Variants in STXBP4 observed in about 807,000 individuals in gnomAD.
The protein encoded by STXBP4 is syntaxin-binding protein 4.
In STXBP4, 55 loss-of-function variants were observed where a neutral mutation model predicts 76.1. The ratio of observed to expected loss-of-function variants is 0.72; its 90% confidence interval spans 0.58 to 0.91. STXBP4 has a LOEUF of 0.91. Ranked by LOEUF, STXBP4 falls within the 40% of genes least tolerant of loss-of-function variation. The pLI is 0.00. For synonymous variants in STXBP4, 201 were observed against 220.2 expected (o/e 0.91, Z 0.77); for missense variants, 618 against 636.9 (o/e 0.97, Z 0.32).
intron 1 of STXBP4, among the ~76,000 whole-genome samples, chr17:54,974,484 A>T (rs961523044): frequency 3.9e-5 from 6 of 152,364 alleles, no homozygotes; most frequent in South Asian, 4.1e-4. Context: ...TGATTGACAG[A>T]TAATGTGAAA....
intron 8 of STXBP4, among the ~76,000 whole-genome samples, chr17:55,026,844 G>C (rs1357058212): frequency 6.6e-6 from 1 of 152,128 alleles, no homozygotes; most frequent in Non-Finnish European, 1.5e-5. Flanking sequence ...CGAGAACCAG[G>C]GGGCAAATGG....
Position 55,164,415 on chromosome 17 carries a change from A to G in STXBP4, c.*4504A>G, listed in dbSNP as rs922513556. On this transcript the variant is annotated 3_prime_UTR_variant, in exon 18 of 18. Coordinates refer to ENST00000376352, the MANE Select transcript of STXBP4 (RefSeq NM_178509.6). ...TTCCCCCATCACCCAATTATTCTCT[A>G]TATCACTCTACCCTGTTTATTTCTT... is the stretch of plus-strand genomic sequence containing the variant. 2.4e-5 allele frequency: 3 copies of G among 124,220 alleles called. No individual in the cohort carries two copies. The highest frequency in any genetic ancestry group is 7.9e-5 in the Admixed American group (1 of 12,642). The allele number at this position is 124,220 out of a possible 1,614,324, so 7.7% of individuals were successfully genotyped here. A position where few individuals can be genotyped will look rare whatever the true frequency, so the allele number is the denominator to read the frequency against.
chr17:55,032,190 T>A (rs931525083), intron 9 of STXBP4, among the ~76,000 whole-genome samples: 1 of 152,134 alleles, frequency 6.6e-6, no homozygotes, highest in Admixed American at 6.5e-5. Context: ...ATTAAGTAAT[T>A]TTTTTCTTGT....
intron 8 of STXBP4, among the ~76,000 whole-genome samples, chr17:55,012,766 C>T (rs531095911): frequency 4.6e-5 from 7 of 152,170 alleles, no homozygotes; most frequent in Non-Finnish European, 1.0e-4. Context: ...CTGCATACCC[C>T]GCTTTTTGAG....
chr17:55,026,289 A>T (rs1383988710), intron 8 of STXBP4, among the ~76,000 whole-genome samples: 1 of 152,174 alleles, frequency 6.6e-6, no homozygotes, highest in East Asian at 1.9e-4. Flanking sequence ...TTTGTATGGA[A>T]ATGCAAAAGA....
downstream of STXBP4, among the ~76,000 whole-genome samples, chr17:55,174,790 G>A (rs569461767): frequency 5.1e-4 from 78 of 152,226 alleles, no homozygotes; most frequent in African/African-American, 1.8e-3. Context: ...CCAAGTTATA[G>A]TAGATCCCAG....
intron 12 of STXBP4, 34 bp downstream of exon 12, chr17:55,047,188 G>A: frequency 2.2e-6 from 1 of 444,780 alleles, no homozygotes; most frequent in Non-Finnish European, 3.4e-6. Flanking sequence ...ATGTGCTCGT[G>A]TGTGTGTGTG....
intron 10 of STXBP4, among the ~76,000 whole-genome samples, chr17:55,041,209 A>G (rs1395382023): frequency 6.7e-6 from 1 of 149,310 alleles, no homozygotes; most frequent in African/African-American, 2.5e-5. Flanking sequence ...TAGCTCTGGT[A>G]TCTAAAATTT....
rs1270866213 is a variant in STXBP4, at chr17:55,170,882, G to A, written c.*10971G>A. The A allele has an allele frequency of 6.6e-6, 1 of 152,192 alleles. No individual in the cohort carries two copies. The allele number at this position is 152,192 out of a possible 1,614,324, so 9.4% of individuals were successfully genotyped here. On this transcript the variant is annotated 3_prime_UTR_variant, in exon 18 of 18. Coordinates refer to ENST00000376352, the MANE Select transcript of STXBP4 (RefSeq NM_178509.6). The stretch of plus-strand genomic sequence containing the variant: ...TGCTAGAAATGCTAGAGTTGTCACA[G>A]ATGTGATATTTATGTTTTCATTGTC...
At chr17:55,055,612 A>G (rs1203164430) in intron 12 of STXBP4, among the ~76,000 whole-genome samples, 1 of 152,230 alleles carries the variant, frequency 6.6e-6, no homozygotes, top group Non-Finnish European at 1.5e-5. Context: ...AAAGTAAGGC[A>G]GAAATGCTGC....
intron 8 of STXBP4, among the ~76,000 whole-genome samples, chr17:55,017,840 C>A (rs1383718096): frequency 6.6e-6 from 1 of 152,200 alleles, no homozygotes; most frequent in African/African-American, 2.4e-5. Flanking sequence ...AGCCTCACAC[C>A]TGAGTCTTAA....
the STXBP4 span, among the ~76,000 whole-genome samples, chr17:55,186,801 CA>C: frequency 6.6e-6 from 1 of 152,166 alleles, no homozygotes; most frequent in South Asian, 2.1e-4. Flanking sequence ...CATTAGTCCC[CA>C]ATAAATATCA....
chr17:54,986,061 T>C (rs1439006573), intron 2 of STXBP4, 81 bp from the exon 3 acceptor site: 8 of 657,686 alleles, frequency 1.2e-5, no homozygotes, highest in Non-Finnish European at 2.2e-5. Context: ...TCCAAGTGTA[T>C]ATAATGTTTT....
intron 3 of STXBP4, among the ~76,000 whole-genome samples, chr17:54,989,319 T>C (rs1317069642): frequency 6.6e-6 from 1 of 152,142 alleles, no homozygotes; most frequent in African/African-American, 2.4e-5. Context: ...GTGGTCTCGA[T>C]CTCCTGACCT....
chr17:55,186,842 TC>T, the STXBP4 span, among the ~76,000 whole-genome samples: 1 of 152,172 alleles, frequency 6.6e-6, no homozygotes, highest in Non-Finnish European at 1.5e-5. Flanking sequence ...CATTCATTCC[TC>T]TTTCCTCCAT....
At chr17:55,084,894 A>G (rs1768663186) in intron 16 of STXBP4, among the ~76,000 whole-genome samples, 1 of 152,164 alleles carries the variant, frequency 6.6e-6, no homozygotes, top group South Asian at 2.1e-4. Context: ...ATGCTGCTAT[A>G]AAGACACATG....
chr17:55,186,717 A>G, the STXBP4 span, among the ~76,000 whole-genome samples: 1 of 152,194 alleles, frequency 6.6e-6, no homozygotes, highest in Non-Finnish European at 1.5e-5. Flanking sequence ...AGAGGAATAC[A>G]CAAGGTCTCT....
chr17:55,036,554 G>C (rs1033247452), intron 10 of STXBP4, among the ~76,000 whole-genome samples: 1 of 151,410 alleles, frequency 6.6e-6, no homozygotes, highest in African/African-American at 2.4e-5. Flanking sequence ...TTTCCAGAAA[G>C]TCTTCAACAT....
chr17:55,031,128 G>T, intron 8 of STXBP4, 40 bp from the exon 9 acceptor site: 1 of 1,479,956 alleles, frequency 6.8e-7, no homozygotes, highest in Non-Finnish European at 9.4e-7. Flanking sequence ...ATTCTTTGGA[G>T]ATTTGAAAAA....
Sources: allele counts gnomAD v4.1 joint callset (sites outside exome capture counted in the v4.1 genomes callset), GRCh38; gene constraint gnomAD v4.1.1; transcripts MANE v1.5; gene names NCBI Gene and HGNC (gene_info 2026-07-23, HGNC 2026-07-21).